ESRRG: variants seen among roughly 807,000 people sequenced by gnomAD.
ESRRG encodes estrogen-related receptor gamma.
A neutral mutation model predicts 44.0 loss-of-function variants in ESRRG; 13 were observed. The observed-to-expected ratio is 0.30, with a 90% CI of 0.19 to 0.47. The LOEUF is 0.47. Ranked by LOEUF, ESRRG falls within the 20% of genes least tolerant of loss-of-function variation. The probability of loss-of-function intolerance (pLI) is 1.00; values close to 1 mark genes in which losing one functional copy is unlikely to be tolerated. For synonymous variants in ESRRG, 215 were observed against 214.6 expected (o/e 1.00, Z -0.02); for missense variants, 395 against 580.6 (o/e 0.68, Z 3.29).
At chr1:216,583,415 A>T (rs2063174341) in intron 3 of ESRRG, among the ~76,000 whole-genome samples, 1 of 151,986 alleles carries the variant, frequency 6.6e-6, no homozygotes, top group African/African-American at 2.4e-5. Flanking sequence ...TCAAAAACTC[A>T]CTCTACAAAG....
At chr1:216,834,867 A>G (rs2095539428) in intron 2 of ESRRG, among the ~76,000 whole-genome samples, 1 of 152,348 alleles carries the variant, frequency 6.6e-6, no homozygotes, top group East Asian at 1.9e-4. Flanking sequence ...GCCATTAAAT[A>G]CAGCAGAAAG....
intron 1 of ESRRG, among the ~76,000 whole-genome samples, chr1:216,972,895 T>C (rs1490207905): frequency 6.6e-6 from 1 of 152,204 alleles, no homozygotes; most frequent in African/African-American, 2.4e-5. Flanking sequence ...TTAAGGTATT[T>C]AAGGTAGTGG....
At chr1:216,833,041 G>A (rs2095511052) in intron 2 of ESRRG, among the ~76,000 whole-genome samples, 1 of 151,070 alleles carries the variant, frequency 6.6e-6, no homozygotes, top group Admixed American at 6.6e-5. Flanking sequence ...TTCTCTGTAG[G>A]ACACCCAAAA....
intron 1 of ESRRG, among the ~76,000 whole-genome samples, chr1:217,025,600 G>A (rs186757419): frequency 3.5e-4 from 53 of 152,250 alleles, no homozygotes; most frequent in Admixed American, 3.2e-3. Flanking sequence ...CCTCCCACCT[G>A]CCAAAGCTGT....
At chr1:217,047,064 G>A (rs2085021062) in intron 1 of ESRRG, among the ~76,000 whole-genome samples, 1 of 151,926 alleles carries the variant, frequency 6.6e-6, no homozygotes, top group Non-Finnish European at 1.5e-5. Context: ...GGGAGAAGGA[G>A]TACTAATCAA....
chr1:216,967,200 A>AG (rs1355953893), intron 1 of ESRRG, among the ~76,000 whole-genome samples: 1 of 151,832 alleles, frequency 6.6e-6, no homozygotes, highest in Non-Finnish European at 1.5e-5. Flanking sequence ...TCCCCACCAG[A>AG]GGGGTACATT....
chr1:216,929,071 T>C (rs1049886345), intron 2 of ESRRG, among the ~76,000 whole-genome samples: 2 of 152,106 alleles, frequency 1.3e-5, no homozygotes, highest in African/African-American at 4.8e-5. Context: ...GAACTGTATG[T>C]ACACTTAGAA....
chr1:216,568,984 G>A (rs1055851137), intron 3 of ESRRG, among the ~76,000 whole-genome samples: 2 of 151,848 alleles, frequency 1.3e-5, no homozygotes, highest in Non-Finnish European at 2.9e-5. Context: ...AACCCGGGAG[G>A]CGGAGGTTGC....
chr1:216,558,530 A>G (rs2058053753), intron 5 of ESRRG, among the ~76,000 whole-genome samples: 1 of 152,156 alleles, frequency 6.6e-6, no homozygotes, highest in South Asian at 2.1e-4. Context: ...CTTGGTTTTA[A>G]TTGTAATGAC....
At chr1:216,871,848 T>A (rs761151733) in intron 2 of ESRRG, among the ~76,000 whole-genome samples, 1 of 152,090 alleles carries the variant, frequency 6.6e-6, no homozygotes, top group Non-Finnish European at 1.5e-5. Flanking sequence ...CTTAGAGAAC[T>A]CAAGAGGAAA....
intron 1 of ESRRG, among the ~76,000 whole-genome samples, chr1:216,952,143 G>A (rs1032101246): frequency 6.6e-6 from 1 of 152,080 alleles, no homozygotes; most frequent in Non-Finnish European, 1.5e-5. Flanking sequence ...TCTTTGAGTG[G>A]CAAATTATAT....
intron 2 of ESRRG, among the ~76,000 whole-genome samples, chr1:216,877,166 G>A (rs1328680357): frequency 1.3e-5 from 2 of 152,016 alleles, no homozygotes; most frequent in Non-Finnish European, 2.9e-5. Context: ...TTATGATTAT[G>A]TATTCATCTA....
At chr1:216,664,333 G>A (rs2151284505) in intron 2 of ESRRG, among the ~76,000 whole-genome samples, 1 of 151,998 alleles carries the variant, frequency 6.6e-6, no homozygotes, top group East Asian at 1.9e-4. Flanking sequence ...AATCATGATA[G>A]AAGTGCCTAC....
intron 2 of ESRRG, among the ~76,000 whole-genome samples, chr1:216,914,429 T>C (rs1476563918): frequency 6.6e-6 from 1 of 152,210 alleles, no homozygotes; most frequent in Non-Finnish European, 1.5e-5. Context: ...CATTGTAAGT[T>C]AAACACATTG....
intron 2 of ESRRG, 129 bp downstream of exon 2, chr1:216,676,947 A>C (rs753734045): frequency 1.4e-5 from 9 of 663,106 alleles, no homozygotes; most frequent in Non-Finnish European, 2.3e-5. Context: ...ATTGTAATCT[A>C]TTTCCATTTT....
chr1:216,618,079 T>C (rs2061666907), intron 3 of ESRRG, among the ~76,000 whole-genome samples: 1 of 152,350 alleles, frequency 6.6e-6, no homozygotes, highest in East Asian at 1.9e-4. Flanking sequence ...AGAGTATCAG[T>C]AATAATAGTC....
At chr1:216,661,174 T>C (rs2151224768) in intron 2 of ESRRG, among the ~76,000 whole-genome samples, 1 of 152,316 alleles carries the variant, frequency 6.6e-6, no homozygotes, top group East Asian at 1.9e-4. Flanking sequence ...AAAATGCATA[T>C]CCTACATGAT....
At chr1:217,047,053 T>C (rs2085016536) in intron 1 of ESRRG, among the ~76,000 whole-genome samples, 1 of 152,018 alleles carries the variant, frequency 6.6e-6, no homozygotes, top group Admixed American at 6.6e-5. Flanking sequence ...GGATATGCCA[T>C]GGGAGAAGGA....
At chr1:216,544,908 C>T (rs1189171047) in intron 5 of ESRRG, among the ~76,000 whole-genome samples, 1 of 151,832 alleles carries the variant, frequency 6.6e-6, no homozygotes, top group Non-Finnish European at 1.5e-5. Context: ...GGGTGTTTTT[C>T]TCTTAAATGA....
Sources: allele counts gnomAD v4.1 joint callset (sites outside exome capture counted in the v4.1 genomes callset), GRCh38; gene constraint gnomAD v4.1.1; transcripts MANE v1.5; gene names NCBI Gene and HGNC (gene_info 2026-07-23, HGNC 2026-07-21).